The following CLNK variants were observed in gnomAD, a reference collection of about 807,000 sequenced individuals.
CLNK encodes cytokine-dependent hematopoietic cell linker.
CLNK carries 74 observed loss-of-function variants against 68.6 expected under a neutral mutation model. The observed-to-expected ratio is 1.08, with a 90% CI of 0.89 to 1.31. CLNK has a LOEUF of 1.31. Ranked by LOEUF, CLNK falls within the 50% of genes most tolerant of loss-of-function variation. The pLI, the probability that CLNK is intolerant of heterozygous loss-of-function variation, is 0.00. For missense variants in CLNK, 553 were observed against 515.3 expected, an observed-to-expected ratio of 1.07 and a Z score of -0.71; for synonymous variants, 198 against 172.2, an observed-to-expected ratio of 1.15 and a Z score of -1.17.
chr4:10,626,247 C>T (rs1368581847), intron 2 of CLNK, among the ~76,000 whole-genome samples: 4 of 152,310 alleles, frequency 2.6e-5, no homozygotes, highest in African/African-American at 7.2e-5. Context: ...GCTCTGAGAG[C>T]AATGATCTGA....
the CLNK span, among the ~76,000 whole-genome samples, chr4:10,707,036 C>T: frequency 3.8e-5 from 2 of 52,674 alleles, no homozygotes; most frequent in East Asian, 5.8e-4. Context: ...CCTGCTTAGG[C>T]CTCCAAAGTG....
At chr4:10,542,448 G>GT (rs1222913214) in intron 8 of CLNK, among the ~76,000 whole-genome samples, 168 bp from the exon 9 acceptor site, 2 of 152,076 alleles carry the variant, frequency 1.3e-5, no homozygotes, top group East Asian at 1.9e-4. Flanking sequence ...AAACTCTTTA[G>GT]TTACGTGGTC....
chr4:10,702,118 T>C, the CLNK span, among the ~76,000 whole-genome samples: 2 of 152,158 alleles, frequency 1.3e-5, no homozygotes, highest in African/African-American at 4.8e-5. Flanking sequence ...TGAGAAGCCA[T>C]TGAAGATGTT....
chr4:10,673,649 C>T (rs1224442893), intron 1 of CLNK, among the ~76,000 whole-genome samples: 1 of 148,890 alleles, frequency 6.7e-6, no homozygotes, highest in Non-Finnish European at 1.5e-5. Flanking sequence ...AGGGGAACAT[C>T]ACACACTGGG....
At chr4:10,591,450 C>T (rs1004462371) in intron 3 of CLNK, among the ~76,000 whole-genome samples, 1 of 152,212 alleles carries the variant, frequency 6.6e-6, no homozygotes, top group African/African-American at 2.4e-5. Context: ...AATGGGAGGT[C>T]TGGTGCCTAA....
chr4:10,492,722 G>A (rs1716635135), intron 18 of CLNK, among the ~76,000 whole-genome samples: 1 of 152,110 alleles, frequency 6.6e-6, no homozygotes, highest in Non-Finnish European at 1.5e-5. Flanking sequence ...GGGGGGAGGG[G>A]GTGTGTGAAG....
chr4:10,499,247 G>T (rs1716935462), intron 18 of CLNK, among the ~76,000 whole-genome samples: 1 of 152,172 alleles, frequency 6.6e-6, no homozygotes, highest in South Asian at 2.1e-4. Flanking sequence ...AAGGGGACAG[G>T]GGCAGGACTT....
chr4:10,619,464 T>A (rs1722345869), intron 2 of CLNK, among the ~76,000 whole-genome samples: 1 of 152,032 alleles, frequency 6.6e-6, no homozygotes, highest in Non-Finnish European at 1.5e-5. Context: ...TAAAATGAAA[T>A]GTTTTGAGCT....
chr4:10,512,684 A>G (rs1288989292), intron 16 of CLNK, among the ~76,000 whole-genome samples: 4 of 152,018 alleles, frequency 2.6e-5, no homozygotes, highest in African/African-American at 9.7e-5. Context: ...CTGCTTAGAA[A>G]TCTTCACGAA....
chr4:10,519,826 T>A (rs1466060101), intron 15 of CLNK, among the ~76,000 whole-genome samples: 1 of 152,144 alleles, frequency 6.6e-6, no homozygotes, highest in East Asian at 1.9e-4. Flanking sequence ...GAGGGCTGTG[T>A]GTGTGTGTGT....
At chr4:10,633,548 C>T (rs959827161) in intron 2 of CLNK, among the ~76,000 whole-genome samples, 6 of 152,158 alleles carry the variant, frequency 3.9e-5, no homozygotes, top group Admixed American at 1.3e-4. Context: ...AAACGAGAGA[C>T]GCAATTTGAC....
chr4:10,647,941 G>T (rs7691659), intron 2 of CLNK, among the ~76,000 whole-genome samples: 49,614 of 151,886 alleles, frequency 0.33, 8,385 homozygotes, highest in African/African-American at 0.41. Context: ...TTCTAGGTCA[G>T]TGCTCATTCC....
At chr4:10,521,854 T>C (rs1718080533) in intron 14 of CLNK, among the ~76,000 whole-genome samples, 1 of 152,142 alleles carries the variant, frequency 6.6e-6, no homozygotes, top group South Asian at 2.1e-4. Context: ...GCGCTAATAG[T>C]ATAGGATTTT....
intron 18 of CLNK, among the ~76,000 whole-genome samples, chr4:10,490,914 G>A (rs1437617114): frequency 1.5e-5 from 2 of 134,964 alleles, no homozygotes; most frequent in East Asian, 2.1e-4. Context: ...ACAAGCATGC[G>A]CCACCACGCC....
chr4:10,627,257 A>G (rs4697762), intron 2 of CLNK, among the ~76,000 whole-genome samples: 13,169 of 152,146 alleles, frequency 0.087, 875 homozygotes, highest in Admixed American at 0.21. Flanking sequence ...TTGGAACACA[A>G]TTGCCACCTT....
At chr4:10,711,581 C>G in the CLNK span, among the ~76,000 whole-genome samples, 1 of 140,192 alleles carries the variant, frequency 7.1e-6, no homozygotes, top group Non-Finnish European at 1.5e-5. Flanking sequence ...TGGAAAGATA[C>G]TTTTATTCTC....
At chr4:10,633,817 C>T (rs1722980888) in intron 2 of CLNK, among the ~76,000 whole-genome samples, 1 of 152,230 alleles carries the variant, frequency 6.6e-6, no homozygotes, top group Non-Finnish European at 1.5e-5. Context: ...TGCACTTTCA[C>T]ATACAATATT....
intron 2 of CLNK, among the ~76,000 whole-genome samples, chr4:10,648,752 C>T (rs1280819630): frequency 1.3e-5 from 2 of 152,166 alleles, no homozygotes; most frequent in Admixed American, 6.6e-5. Flanking sequence ...TTCCATTCTT[C>T]TAGACATTCA....
rs1030539852 is a variant in CLNK, at chr4:10,487,729, C to G, written c.*2738G>C. On this transcript the variant is annotated 3_prime_UTR_variant, in exon 19 of 19. Coordinates refer to ENST00000226951, the MANE Select transcript of CLNK (RefSeq NM_052964.4). ...ACTGCCCAGCATAACACTGTCTCCT[C>G]TCTGGGCAAACTTTGCTTTGGGCCT... 1 of 152,108 alleles carries G rather than the reference C, an allele frequency of 6.6e-6. No homozygotes were observed. Among genetic ancestry groups the G allele is most frequent in the Non-Finnish European group, 1.5e-5 (1 of 68,032 alleles). 9.4% of individuals were successfully genotyped at this position (152,108 alleles called of 1,614,324 possible). A position where few individuals can be genotyped will look rare whatever the true frequency, so the allele number is the denominator to read the frequency against.
Sources: gnomAD v4.1 joint callset for allele counts (sites outside exome capture counted in the v4.1 genomes callset) on GRCh38, gnomAD v4.1.1 for gene constraint, MANE v1.5 for transcripts, NCBI Gene and HGNC (gene_info 2026-07-23, HGNC 2026-07-21) for gene names.